Variants in TAAR1 observed in about 807,000 individuals in gnomAD.
The protein encoded by TAAR1 is trace amine-associated receptor 1.
Under a neutral mutation model 1.2 loss-of-function variants are expected in TAAR1, and 1 was observed. The observed-to-expected ratio is 0.81, with a 90% CI of 0.29 to 3.86. The LOEUF (loss-of-function observed/expected upper bound fraction) is 3.86, where lower values mean the gene tolerates loss of function less well. TAAR1 is among the 30% of genes most tolerant of loss of function. TAAR1 has a pLI of 0.18. For missense variants in TAAR1, 445 were observed against 405.6 expected (o/e 1.10, Z -0.83); for synonymous variants, 153 against 132.2 (o/e 1.16, Z -1.08).
chr6:132,647,718 G>A (rs9402441), intron 1 of TAAR1, among the ~76,000 whole-genome samples: 29,065 of 151,066 alleles, frequency 0.19, 3,069 homozygotes, highest in East Asian at 0.33. Flanking sequence ...GAAGGAAGGA[G>A]AAAGAGCTTG....
intron 1 of TAAR1, among the ~76,000 whole-genome samples, chr6:132,651,447 TCTC>T (rs1777747801): frequency 6.6e-6 from 1 of 152,172 alleles, no homozygotes; most frequent in Admixed American, 6.5e-5. Flanking sequence ...GTGCCTAGCT[TCTC>T]CTTCTGCTCT....
chr6:132,647,676 GAAA>G (rs1777701005), intron 1 of TAAR1, among the ~76,000 whole-genome samples: 4 of 149,858 alleles, frequency 2.7e-5, no homozygotes, highest in African/African-American at 4.9e-5. Flanking sequence ...AAGAAAGAAA[GAAA>G]GAAGAAAGAA....
chr6:132,643,922 G>A lies in TAAR1; in HGVS notation c.*1062C>T, dbSNP rs1193698444. On this transcript the variant is annotated 3_prime_UTR_variant, in exon 2 of 2. Coordinates refer to ENST00000275216, the MANE Select transcript of TAAR1 (RefSeq NM_138327.4). ...CTCATGTTTAGCTACTTTGATGGAT[G>A]ACTGCTTCTCCTTCTGTGTATTGTG... is the stretch of plus-strand genomic sequence containing the variant. Among the ~76,000 whole-genome samples, 2 of 151,902 alleles carry A rather than the reference G, an allele frequency of 1.3e-5. No homozygotes were observed. Among genetic ancestry groups the A allele is most frequent in the East Asian group, 3.8e-4 (2 of 5,196 alleles).
intron 1 of TAAR1, among the ~76,000 whole-genome samples, chr6:132,651,495 A>G (rs927276615): frequency 1.2e-4 from 19 of 152,164 alleles, no homozygotes; most frequent in Non-Finnish European, 2.6e-4. Flanking sequence ...CTATTCTTGA[A>G]CGTCCTCCAT....
At chr6:132,655,119 A>G (rs1229556287) in intron 1 of TAAR1, among the ~76,000 whole-genome samples, 1 of 152,194 alleles carries the variant, frequency 6.6e-6, no homozygotes, top group Non-Finnish European at 1.5e-5. Flanking sequence ...GGCCAAGTCA[A>G]CTAGAAAAGG....
At position 132,645,198 on chromosome 6, in the gene TAAR1, A is replaced by T. The variant is rs757175838; in HGVS notation, c.806T>A (p.Ile269Asn). The T allele has an allele frequency of 2.7e-5, 44 of 1,613,264 alleles. No individual in the cohort carries two copies. In the Admixed American group the frequency reaches 7.0e-4, roughly 26 times the overall value. Reference protein sequence around the residue: ...VFLICWCPFFICTVMDPFLHY... With the variant: ...VFLICWCPFFNCTVMDPFLHY... ...AAGAAAAGGGTCCATGACTGTACAG[A>T]TAAAGAAAGGGCACCAGCATATTAG... The change falls in exon 2 of 2, where the codon ATC (isoleucine) becomes AAC (asparagine). Residue 269 changes from isoleucine to asparagine, a missense_variant. Coordinates refer to ENST00000275216, the MANE Select transcript of TAAR1 (RefSeq NM_138327.4).
At chr6:132,652,352 G>A (rs1015051087) in intron 1 of TAAR1, among the ~76,000 whole-genome samples, 3 of 143,106 alleles carry the variant, frequency 2.1e-5, no homozygotes, top group Non-Finnish European at 3.0e-5. Flanking sequence ...TCACCAGACT[G>A]GAGTGCAGTG....
chr6:132,647,509 G>A (rs1249116064), intron 1 of TAAR1, among the ~76,000 whole-genome samples: 1 of 147,922 alleles, frequency 6.8e-6, no homozygotes, highest in Non-Finnish European at 1.5e-5. Context: ...AGGAAGGGAG[G>A]GAGGGAGGAA....
Position 132,645,352 on chromosome 6 carries a change from T to C in TAAR1, c.652A>G (p.Lys218Glu), listed in dbSNP as rs758274505. ...TCACTAATTAATCTTGCCTGTTCTT[T>C]AGCGATAAGATATATTCTGTAATAG... Reference protein sequence around the residue: ...CVYYRIYLIAKEQARLISDAN... With the variant: ...CVYYRIYLIAEEQARLISDAN... Residue 218 changes from lysine to glutamate, a missense_variant, in exon 2 of 2, where the codon AAA becomes GAA. Lys to Glu is a moderately conservative substitution (Grantham distance 56). Transcript: ENST00000275216. 2.5e-6 allele frequency: 4 copies of C among 1,613,434 alleles called. No homozygotes were observed. The highest frequency in any genetic ancestry group is 3.3e-5 in the Admixed American group (2 of 59,856).
intron 1 of TAAR1, among the ~76,000 whole-genome samples, chr6:132,647,577 G>A (rs1777690580): frequency 8.5e-6 from 1 of 118,228 alleles, no homozygotes; most frequent in South Asian, 2.7e-4. Context: ...AGGAAGGAAG[G>A]AGAAAGGAAA....
In TAAR1 at chr6:132,645,024, T is replaced by A. The variant is rs775055232; in HGVS notation, c.980A>T (p.Asp327Val). 2 of 1,583,736 alleles carry A rather than the reference T, an allele frequency of 1.3e-6. No homozygotes were observed. Among genetic ancestry groups the A allele is most frequent in the Non-Finnish European group, 1.7e-6 (2 of 1,171,494 alleles). ...MMLFGKIFQK[D>V]SSRCKLFLEL... Reference sequence around the variant, plus strand: ...CAAAAATAATTTACACCTGGATGAATCTTTTTGGAAAATTTTACCAAACAG... The same window carrying A: ...CAAAAATAATTTACACCTGGATGAAACTTTTTGGAAAATTTTACCAAACAG... The change falls in exon 2 of 2, where the codon GAT (aspartate) becomes GTT (valine). Residue 327 changes from aspartate to valine, a missense_variant. Physicochemically the swap from Asp to Val is radical, Grantham distance 152 (BLOSUM62 -3). Transcript: ENST00000275216.
intron 1 of TAAR1, among the ~76,000 whole-genome samples, chr6:132,652,844 A>C (rs1777764026): frequency 6.6e-6 from 1 of 151,682 alleles, no homozygotes; most frequent in South Asian, 2.1e-4. Flanking sequence ...AGGAGTAGGT[A>C]AGAACTCTAT....
rs947518823 is a variant in TAAR1 at position 132,644,658 on chromosome 6, T to C, written c.*326A>G. 6.6e-6 allele frequency among the ~76,000 whole-genome samples: 1 copy of C among 152,044 alleles called. No individual in the cohort carries two copies. Among genetic ancestry groups the C allele is most frequent in the Admixed American group, 6.6e-5 (1 of 15,248 alleles). ...ATTTGCATCCTCAAATTCAGCCCTA[T>C]AGTTTCCACCACTGAACAGCTGACT... On this transcript the variant is annotated 3_prime_UTR_variant, in exon 2 of 2. Transcript: ENST00000275216.
intron 1 of TAAR1, among the ~76,000 whole-genome samples, chr6:132,647,389 C>G (rs199643172): frequency 7.5e-6 from 1 of 133,772 alleles, no homozygotes; most frequent in Non-Finnish European, 1.7e-5. Context: ...CACACACACA[C>G]ACACATATAT....
chr6:132,646,103 T>C lies in TAAR1; in HGVS notation c.-100A>G. 2 of 1,320,942 alleles carry C rather than the reference T, an allele frequency of 1.5e-6. No homozygotes were observed. Among genetic ancestry groups the C allele is most frequent in the East Asian group, 4.7e-5 (2 of 42,316 alleles). The allele number at this position is 1,320,942 out of a possible 1,614,324, so 81.8% of individuals were successfully genotyped here. On this transcript the variant is annotated 5_prime_UTR_variant, in exon 2 of 2. The change abolishes the stop of an existing upstream ORF in the 5' untranslated region. Transcript: ENST00000275216. ...TACAGTTCCTTCTCATGTTTATTTT[T>C]TATTTGCACATACTTATCCCAGAAA...
chr6:132,655,310 G>C (rs1336697913), intron 1 of TAAR1, among the ~76,000 whole-genome samples: 1 of 151,708 alleles, frequency 6.6e-6, no homozygotes, highest in African/African-American at 2.4e-5. Flanking sequence ...CACGGATCTG[G>C]TGGATAAAAT....
At chr6:132,658,483 C>G (rs1777833889) in intron 1 of TAAR1, among the ~76,000 whole-genome samples, 1 of 152,020 alleles carries the variant, frequency 6.6e-6, no homozygotes, top group African/African-American at 2.4e-5. Context: ...CTAAAAGGTT[C>G]TTAAGTTAAT....
At chr6:132,650,797 C>T (rs1012226114) in intron 1 of TAAR1, among the ~76,000 whole-genome samples, 1 of 152,192 alleles carries the variant, frequency 6.6e-6, no homozygotes, top group Non-Finnish European at 1.5e-5. Flanking sequence ...TACCCTCCAA[C>T]TCTCTCTCCC....
At chr6:132,649,607 G>A (rs2114279681) in intron 1 of TAAR1, among the ~76,000 whole-genome samples, 1 of 152,306 alleles carries the variant, frequency 6.6e-6, no homozygotes, top group East Asian at 1.9e-4. Flanking sequence ...TACAGTCATG[G>A]TAGAAGGGGA....
Sources: allele counts gnomAD v4.1 joint callset (sites outside exome capture counted in the v4.1 genomes callset), GRCh38; gene constraint gnomAD v4.1.1; transcripts MANE v1.5; gene names NCBI Gene and HGNC (gene_info 2026-07-23, HGNC 2026-07-21).